The following IGBP1C variants were observed in gnomAD, a reference collection of about 807,000 sequenced individuals.
IGBP1C encodes IGBP1 family member C, also known as immunoglobulin-binding protein 1 family member C.
At chr17:58,678,844 T>TAAA in the IGBP1C span, among the ~76,000 whole-genome samples, 1 of 147,316 alleles carries the variant, frequency 6.8e-6, no homozygotes. Context: ...ATAATAATAA[T>TAAA]AATAATAATA....
the IGBP1C span, among the ~76,000 whole-genome samples, chr17:58,686,830 T>C: frequency 6.6e-6 from 1 of 151,210 alleles, no homozygotes; most frequent in Non-Finnish European, 1.5e-5. Context: ...CTTTCTCCTA[T>C]TCCCAAACCC....
At chr17:58,679,368 C>T in the IGBP1C span, among the ~76,000 whole-genome samples, 1 of 152,090 alleles carries the variant, frequency 6.6e-6, no homozygotes, top group East Asian at 1.9e-4. Context: ...ATGACAACAC[C>T]AACCACGAGG....
the IGBP1C span, among the ~76,000 whole-genome samples, chr17:58,682,280 CAG>C: frequency 2.1e-5 from 3 of 145,356 alleles, no homozygotes; most frequent in East Asian, 4.1e-4. Context: ...TTTTTTGTGA[CAG>C]AGTCTTACTC....
chr17:58,670,754 CAG>C, the IGBP1C span, among the ~76,000 whole-genome samples: 2 of 105,090 alleles, frequency 1.9e-5, no homozygotes, highest in Non-Finnish European at 3.4e-5. Flanking sequence ...GCCTGGGCGA[CAG>C]AGTGAGACTC....
chr17:58,671,774 A>G, the IGBP1C span, among the ~76,000 whole-genome samples: 1 of 151,918 alleles, frequency 6.6e-6, no homozygotes, highest in Admixed American at 6.6e-5. Context: ...ACCATTTTAC[A>G]TGTTTTGAGC....
the IGBP1C span, chr17:58,661,284 G>A: frequency 7.4e-6 from 6 of 807,730 alleles, no homozygotes; most frequent in Admixed American, 1.7e-5. Context: ...TCGCGAGCCT[G>A]CTGCAAATGA....
chr17:58,680,640 G>A, the IGBP1C span, among the ~76,000 whole-genome samples: 1 of 152,026 alleles, frequency 6.6e-6, no homozygotes, highest in South Asian at 2.1e-4. Flanking sequence ...TACTCAAGAG[G>A]CAGGAGAACC....
chr17:58,661,166 G>A, the IGBP1C span: 1 of 814,400 alleles, frequency 1.2e-6, no homozygotes, highest in Non-Finnish European at 2.2e-6. Flanking sequence ...AGGATAAGCC[G>A]TGGAGGTAAT....
the IGBP1C span, among the ~76,000 whole-genome samples, chr17:58,663,440 A>C: frequency 6.6e-6 from 1 of 151,328 alleles, no homozygotes; most frequent in South Asian, 2.1e-4. Context: ...AAAAAAAAAA[A>C]GTCATTAATG....
the IGBP1C span, among the ~76,000 whole-genome samples, chr17:58,672,174 C>G: frequency 6.6e-6 from 1 of 152,148 alleles, no homozygotes; most frequent in Non-Finnish European, 1.5e-5. Context: ...GGCTGCTGAT[C>G]TAACAGGAGG....
At chr17:58,661,290 A>C in the IGBP1C span, 7 of 811,434 alleles carry the variant, frequency 8.6e-6, no homozygotes, top group Non-Finnish European at 1.6e-5. Flanking sequence ...GCCTGCTGCA[A>C]ATGATCTAGA....
At chr17:58,675,434 G>A in the IGBP1C span, 1 of 154,462 alleles carries the variant, frequency 6.5e-6, no homozygotes, top group Non-Finnish European at 1.5e-5. Context: ...GAAGTGAGAG[G>A]AGATGAGAAG....
chr17:58,666,267 G>A, the IGBP1C span, among the ~76,000 whole-genome samples: 1 of 150,564 alleles, frequency 6.6e-6, no homozygotes, highest in Non-Finnish European at 1.5e-5. Context: ...AGAATAGCTC[G>A]AACTCGGGAG....
chr17:58,660,919 T>C, the IGBP1C span: 23 of 888,738 alleles, frequency 2.6e-5, no homozygotes, highest in African/African-American at 8.2e-5. Flanking sequence ...TGGATGCCTC[T>C]CTTGAAGAGT....
At chr17:58,682,371 C>A in the IGBP1C span, among the ~76,000 whole-genome samples, 1 of 151,612 alleles carries the variant, frequency 6.6e-6, no homozygotes, top group Non-Finnish European at 1.5e-5. Context: ...GGTTCTCCTG[C>A]CTCAGCCTCC....
chr17:58,687,347 C>G, the IGBP1C span, among the ~76,000 whole-genome samples: 15 of 152,140 alleles, frequency 9.9e-5, no homozygotes, highest in South Asian at 8.3e-4. Flanking sequence ...CCACTAGAGG[C>G]AAGGTACCCC....
At chr17:58,661,622 G>C in the IGBP1C span, 1 of 694,120 alleles carries the variant, frequency 1.4e-6, no homozygotes, top group African/African-American at 1.8e-5. Flanking sequence ...GATGCGAAAT[G>C]TTGATTCCTT....
the IGBP1C span, among the ~76,000 whole-genome samples, chr17:58,675,645 C>A: frequency 6.6e-6 from 1 of 152,184 alleles, no homozygotes; most frequent in Non-Finnish European, 1.5e-5. Flanking sequence ...CCCAGACAGA[C>A]TCCTGATTAT....
chr17:58,661,629 C>A, the IGBP1C span: 1 of 684,676 alleles, frequency 1.5e-6, no homozygotes, highest in Non-Finnish European at 2.7e-6. Flanking sequence ...AATGTTGATT[C>A]CTTTCCTTTC....
Sources: gnomAD v4.1 joint callset for allele counts (sites outside exome capture counted in the v4.1 genomes callset) on GRCh38, gnomAD v4.1.1 for gene constraint, MANE v1.5 for transcripts, NCBI Gene and HGNC (gene_info 2026-07-23, HGNC 2026-07-21) for gene names.